Variants in FTO observed in about 807,000 individuals in gnomAD.
The protein encoded by FTO is FTO alpha-ketoglutarate dependent dioxygenase.
FTO carries 47 observed loss-of-function variants against 63.9 expected under a neutral mutation model. The observed-to-expected ratio is 0.74, with a 90% CI of 0.58 to 0.94. The LOEUF (loss-of-function observed/expected upper bound fraction) is 0.94. FTO is among the 40% of genes least tolerant of loss of function. The probability of loss-of-function intolerance (pLI) is 0.00; values close to 1 mark genes in which losing one functional copy is unlikely to be tolerated. For missense variants in FTO, 562 were observed against 618.1 expected (o/e 0.91, Z 0.96); for synonymous variants, 207 against 224.4 (o/e 0.92, Z 0.69).
intron 1 of FTO, among the ~76,000 whole-genome samples, chr16:53,808,205 G>T (rs1461707047): frequency 6.6e-6 from 1 of 151,906 alleles, no homozygotes; most frequent in Non-Finnish European, 1.5e-5. Flanking sequence ...TGGTGGCATT[G>T]CACCTTTAGT....
Position 54,077,993 on chromosome 16 carries a change from C to A in FTO, c.1365-33769C>A, listed in dbSNP as rs559282360. 4.6e-5 allele frequency among the ~76,000 whole-genome samples: 7 copies of A among 152,216 alleles called. No individual in the cohort carries two copies. In the East Asian group the frequency reaches 1.2e-3, roughly 25 times the overall value. On this transcript the variant is annotated intron_variant, in intron 8 of 8. Transcript: ENST00000471389. ...GGGGCAGTCCATTTTAGCTCCCCGGCCCCACCCCCATCCATGCTGGTGACA... is the reference window on the plus strand; with the variant it reads ...GGGGCAGTCCATTTTAGCTCCCCGGACCCACCCCCATCCATGCTGGTGACA...
rs188701020 is a variant in FTO at position 53,873,976 on chromosome 16, A to G, written c.975+111A>G. The G allele has an allele frequency of 1.3e-4, 103 of 801,184 alleles. No individual in the cohort carries two copies. In the East Asian group the frequency reaches 2.5e-3, roughly 19 times the overall value. 49.6% of individuals were successfully genotyped at this position (801,184 alleles called of 1,614,324 possible). A position where few individuals can be genotyped will look rare whatever the true frequency, so the allele number is the denominator to read the frequency against. On this transcript the variant is annotated intron_variant, in intron 5 of 8. Transcript: ENST00000471389. ...AGTATTTGATGGGAAAATTGCTTCC[A>G]TCTAACTTGACTTTCGTCTCTGTTT...
chr16:53,733,577 A>G (rs978790860), intron 1 of FTO, among the ~76,000 whole-genome samples: 1 of 152,226 alleles, frequency 6.6e-6, no homozygotes, highest in Non-Finnish European at 1.5e-5. Context: ...CTTTGAGACC[A>G]GAGTCTGATA....
At chr16:53,928,998 C>G (rs2082217125) in intron 7 of FTO, among the ~76,000 whole-genome samples, 1 of 151,992 alleles carries the variant, frequency 6.6e-6, no homozygotes, top group Admixed American at 6.6e-5. Flanking sequence ...AGTATGCCAC[C>G]ACACCTGGCT....
intron 2 of FTO, among the ~76,000 whole-genome samples, chr16:53,813,945 T>C (rs1257524379): frequency 6.6e-6 from 1 of 152,174 alleles, no homozygotes; most frequent in East Asian, 1.9e-4. Context: ...GGAGGATCAT[T>C]TGAGCCCAGG....
intron 8 of FTO, among the ~76,000 whole-genome samples, chr16:53,947,047 CT>C (rs1567463097): frequency 6.6e-6 from 1 of 152,178 alleles, no homozygotes; most frequent in East Asian, 1.9e-4. Context: ...CATAAATTAT[CT>C]TGAAGGTAAA....
intron 3 of FTO, among the ~76,000 whole-genome samples, chr16:53,840,064 A>C (rs1332001696): frequency 6.6e-6 from 1 of 151,906 alleles, no homozygotes; most frequent in Non-Finnish European, 1.5e-5. Flanking sequence ...CAGCCTCCCA[A>C]TGTGCTGGGA....
intron 8 of FTO, among the ~76,000 whole-genome samples, chr16:53,972,798 T>C (rs1235225722): frequency 6.6e-6 from 1 of 152,160 alleles, no homozygotes; most frequent in African/African-American, 2.4e-5. Context: ...AGGAGAAATC[T>C]CACTCTTCAG....
At chr16:54,102,227 C>G (rs1599370319) in intron 8 of FTO, among the ~76,000 whole-genome samples, 1 of 152,116 alleles carries the variant, frequency 6.6e-6, no homozygotes, top group East Asian at 1.9e-4. Context: ...CAATAGCATC[C>G]TGGACATAGG....
At chr16:53,819,472 A>C (rs1319901651) in intron 2 of FTO, among the ~76,000 whole-genome samples, 1 of 152,164 alleles carries the variant, frequency 6.6e-6, no homozygotes, top group Non-Finnish European at 1.5e-5. Flanking sequence ...ACGCCCAGGC[A>C]GTTAATTTTT....
chr16:53,883,926 A>G (rs1230089035), intron 6 of FTO, among the ~76,000 whole-genome samples: 1 of 152,174 alleles, frequency 6.6e-6, no homozygotes, highest in Non-Finnish European at 1.5e-5. Flanking sequence ...TAGCAGTTGC[A>G]TGCTCGCTCT....
At chr16:54,050,952 G>C (rs900976915) in intron 8 of FTO, among the ~76,000 whole-genome samples, 16 of 152,166 alleles carry the variant, frequency 1.1e-4, no homozygotes, top group African/African-American at 3.4e-4. Context: ...CATTCTATGT[G>C]AAAGTTTCCA....
intron 8 of FTO, among the ~76,000 whole-genome samples, chr16:53,942,736 C>G (rs2082560559): frequency 6.6e-6 from 1 of 152,178 alleles, no homozygotes; most frequent in African/African-American, 2.4e-5. Context: ...AGCTCCTCAC[C>G]TTGAGGATGG....
intron 2 of FTO, among the ~76,000 whole-genome samples, chr16:53,822,695 G>A (rs1360829857): frequency 6.6e-6 from 1 of 152,030 alleles, no homozygotes; most frequent in East Asian, 1.9e-4. Context: ...GTGTATATGT[G>A]TGTGTGTATA....
intron 1 of FTO, among the ~76,000 whole-genome samples, chr16:53,795,447 ATT>A (rs1491174842): frequency 7.1e-6 from 1 of 141,554 alleles, no homozygotes; most frequent in African/African-American, 2.7e-5. Flanking sequence ...CTGCTAATAC[ATT>A]TGTGTGTGTG....
intron 7 of FTO, among the ~76,000 whole-genome samples, chr16:53,927,706 G>A (rs895918409): frequency 3.3e-5 from 5 of 152,142 alleles, no homozygotes; most frequent in African/African-American, 1.2e-4. Context: ...TCGGGCACTG[G>A]CCCAGGAGAG....
intron 8 of FTO, among the ~76,000 whole-genome samples, chr16:53,990,683 T>C (rs1402670460): frequency 6.6e-6 from 1 of 150,598 alleles, no homozygotes; most frequent in Non-Finnish European, 1.5e-5. Context: ...TTATTTTATT[T>C]TTGAGACAGA....
chr16:54,032,948 A>T (rs1213364251), intron 8 of FTO, among the ~76,000 whole-genome samples: 1 of 151,494 alleles, frequency 6.6e-6, no homozygotes, highest in Non-Finnish European at 1.5e-5. Context: ...ATGTGACATA[A>T]CCGCTCCTGC....
intron 1 of FTO, among the ~76,000 whole-genome samples, chr16:53,717,814 C>T (rs991254456): frequency 4.6e-5 from 7 of 152,068 alleles, no homozygotes; most frequent in African/African-American, 2.4e-5. Context: ...TTATCTTTTA[C>T]GTACTGATTT....
Sources: gnomAD v4.1 joint callset for allele counts (sites outside exome capture counted in the v4.1 genomes callset) on GRCh38, gnomAD v4.1.1 for gene constraint, MANE v1.5 for transcripts, NCBI Gene and HGNC (gene_info 2026-07-23, HGNC 2026-07-21) for gene names.